DELE1: variants seen among roughly 807,000 people sequenced by gnomAD.
The protein encoded by DELE1 is death ligand signal enhancer.
A neutral mutation model predicts 59.3 loss-of-function variants in DELE1; 54 were observed. The observed-to-expected ratio is 0.91, with a 90% CI of 0.73 to 1.14. The LOEUF (loss-of-function observed/expected upper bound fraction) is 1.14, where lower values mean the gene tolerates loss of function less well. Among genes scored for constraint, DELE1 ranks in the 50% most tolerant of loss-of-function variants. The pLI, the probability that DELE1 is intolerant of heterozygous loss-of-function variation, is 0.00. For synonymous variants in DELE1, 264 were observed against 259.1 expected, an observed-to-expected ratio of 1.02 and a Z score of -0.18; for missense variants, 636 against 643.9, an observed-to-expected ratio of 0.99 and a Z score of 0.13.
chr5:141,941,687 C>T lies in DELE1; in HGVS notation c.*2928C>T, dbSNP rs890986377. 2.0e-6 allele frequency: 2 copies of T among 985,370 alleles called. No homozygotes were observed. The highest frequency in any genetic ancestry group is 2.4e-6 in the Non-Finnish European group (2 of 829,938). The allele number at this position is 985,370 out of a possible 1,614,324, so 61.0% of individuals were successfully genotyped here. A position where few individuals can be genotyped will look rare whatever the true frequency, so the allele number is the denominator to read the frequency against. ...AGCTCTACTGCCTCAGTTTCCCTAT[C>T]CGGAGATGCTGTTTTCAGGGAGTCC... On this transcript the variant is annotated 3_prime_UTR_variant, in exon 12 of 12. Coordinates refer to ENST00000432126, the MANE Select transcript of DELE1 (RefSeq NM_014773.5).
rs1406679274 is a variant in DELE1, at chr5:141,939,955, T to C, written c.*1196T>C. 3.1e-6 allele frequency: 3 copies of C among 960,178 alleles called. No homozygotes were observed. Among genetic ancestry groups the C allele is most frequent in the Non-Finnish European group, 3.7e-6 (3 of 807,188 alleles). The allele number at this position is 960,178 out of a possible 1,614,324, so 59.5% of individuals were successfully genotyped here. ...GTGAGGACCTGGGCCTCCTGACTCC[T>C]GGCCCAGAGTTCTTGTCCATCAGTT... On this transcript the variant is annotated 3_prime_UTR_variant, in exon 12 of 12. Coordinates refer to ENST00000432126, the MANE Select transcript of DELE1 (RefSeq NM_014773.5).
chr5:141,929,775 G>T lies in DELE1; in HGVS notation c.571+35G>T, dbSNP rs558109011. On this transcript the variant is annotated intron_variant, in intron 5 of 11. Transcript: ENST00000432126. The stretch of plus-strand genomic sequence containing the variant: ...TGCCTCATGGAATCAGCAGAAGGCA[G>T]GGGGCGGTGGTGGTGAGCTGGGCAA... 1.6e-4 allele frequency: 255 copies of T among 1,609,216 alleles called. 5 individuals carry two copies. In the South Asian group the frequency reaches 2.7e-3, roughly 17 times the overall value.
At chr5:141,935,501 C>A (rs1375610553) in intron 10 of DELE1, among the ~76,000 whole-genome samples, 1 of 152,232 alleles carries the variant, frequency 6.6e-6, no homozygotes, top group African/African-American at 2.4e-5. Context: ...ACATAGGGGA[C>A]TGCTGCTTCC....
Position 141,924,694 on chromosome 5 carries a change from A to G in DELE1, c.145A>G (p.Arg49Gly). 3.1e-6 allele frequency: 5 copies of G among 1,590,908 alleles called. No individual in the cohort carries two copies. The highest frequency in any genetic ancestry group is 1.1e-5 in the South Asian group (1 of 90,580). The change falls in exon 2 of 12, where the codon AGG becomes GGG. Residue 49 changes from arginine (R) to glycine (G), a missense_variant and splice_region_variant. Arg to Gly is a moderately radical substitution (Grantham distance 125). Transcript: ENST00000432126. ...TLLVPVPNLD[R>G]SGPHGPGTSG... ...GCTGGTTCCTGTGCCTAACCTCGAC[A>G]GGTAAGATACTGCCATTTTACCACT...
At position 141,930,205 on chromosome 5, in the gene DELE1, C is replaced by T; in HGVS notation, c.685C>T (p.Leu229Phe). ...ACAAGATAAATCAAAAACTCTTTCCCTTGAGGAGGCTGTGACTTCCATTCA... is the reference window on the plus strand; with the variant it reads ...ACAAGATAAATCAAAAACTCTTTCCTTTGAGGAGGCTGTGACTTCCATTCA... Reference protein sequence around the residue: ...KEQDKSKTLSLEEAVTSIQQL... With the variant: ...KEQDKSKTLSFEEAVTSIQQL... The change falls in exon 7 of 12, where the codon CTT becomes TTT. Residue 229 changes from leucine (L) to phenylalanine (F), a missense_variant. Transcript: ENST00000432126. 6.2e-7 allele frequency: 1 copy of T among 1,613,920 alleles called. No homozygotes were observed. The highest frequency in any genetic ancestry group is 2.2e-5 in the East Asian group (1 of 44,884).
Position 141,934,220 on chromosome 5 carries a change from T to G in DELE1, c.898-20T>G, listed in dbSNP as rs1752175100. 2 of 1,581,870 alleles carry G rather than the reference T, an allele frequency of 1.3e-6. No homozygotes were observed. The highest frequency in any genetic ancestry group is 1.7e-6 in the Non-Finnish European group (2 of 1,159,252). On this transcript the variant is annotated intron_variant, in intron 8 of 11. Transcript: ENST00000432126. ...CTTACAGAGTTGCCAGCCGACTGGG[T>G]GTTTCTCCCTTTGCCCCAGGCGGTC...
intron 1 of DELE1, 24 bp from the exon 2 acceptor site, chr5:141,924,557 C>T: frequency 7.0e-7 from 1 of 1,430,342 alleles, no homozygotes; most frequent in Non-Finnish European, 9.8e-7. Context: ...GTTGAGGTGC[C>T]TGAGTTTTGG....
At chr5:141,924,762 TTG>T (rs1491012084) in intron 2 of DELE1, 67 bp downstream of exon 2, 95 of 1,052,580 alleles carry the variant, frequency 9.0e-5, no homozygotes, top group African/African-American at 4.6e-4. Context: ...TTTTTTTTTT[TTG>T]TTGTTTTTTG....
intron 10 of DELE1, chr5:141,936,780 C>T (rs1350934061): frequency 4.1e-6 from 3 of 726,260 alleles, no homozygotes; most frequent in Non-Finnish European, 5.0e-6. Flanking sequence ...TGTCAGCCCT[C>T]CCAGGCAGAG....
intron 3 of DELE1, among the ~76,000 whole-genome samples, chr5:141,927,101 A>G (rs377675530): frequency 4.6e-5 from 7 of 151,966 alleles, no homozygotes; most frequent in East Asian, 1.9e-4. Flanking sequence ...TAATTACTCT[A>G]TTTCTCTCTG....
chr5:141,930,327 A>G, intron 7 of DELE1, 53 bp downstream of exon 7: 2 of 1,303,074 alleles, frequency 1.5e-6, no homozygotes, highest in Non-Finnish European at 2.2e-6. Flanking sequence ...TGGAAAGGGT[A>G]TGGGGTAGCT....
At position 141,938,758 on chromosome 5, in the gene DELE1, A is replaced by G. The variant is rs1385515792; in HGVS notation, c.1547A>G (p.Ter516=). The change falls in exon 12 of 12, where the codon TAA becomes TGA. Residue 516 remains the stop codon, a stop_retained_variant. Coordinates refer to ENST00000432126, the MANE Select transcript of DELE1 (RefSeq NM_014773.5). ...ERSVVRLGFG[*] Reference sequence around the variant, plus strand: ...AGTGTTGTAAGACTAGGTTTTGGCTAAGGTGAGATAAAACATAGTCCCTGG... The same window carrying G: ...AGTGTTGTAAGACTAGGTTTTGGCTGAGGTGAGATAAAACATAGTCCCTGG... 2.5e-6 allele frequency: 4 copies of G among 1,609,614 alleles called. No homozygotes were observed. The African/African-American group carries it at 5.3e-5, about 22-fold the overall frequency.
chr5:141,929,880 G>A, intron 5 of DELE1, 109 bp from the exon 6 acceptor site: 1 of 1,510,462 alleles, frequency 6.6e-7, no homozygotes, highest in African/African-American at 1.4e-5. Flanking sequence ...GGTTATTTCG[G>A]TTCCTGGCAA....
At chr5:141,925,795 G>C (rs1289900818) in intron 3 of DELE1, among the ~76,000 whole-genome samples, 1 of 152,126 alleles carries the variant, frequency 6.6e-6, no homozygotes, top group Non-Finnish European at 1.5e-5. Flanking sequence ...CAGAGAACAA[G>C]ATAGATACAT....
rs1244122312 is a variant in DELE1, at chr5:141,939,128, A to G, written c.*369A>G. On this transcript the variant is annotated 3_prime_UTR_variant, in exon 12 of 12. Coordinates refer to ENST00000432126, the MANE Select transcript of DELE1 (RefSeq NM_014773.5). Reference sequence around the variant, plus strand: ...GTTTTCTCACACTTAAATCTGTACTACTGTTTGCCAATGTCTGATGTGTGT... The same window carrying G: ...GTTTTCTCACACTTAAATCTGTACTGCTGTTTGCCAATGTCTGATGTGTGT... The G allele has an allele frequency of 3.0e-6, 3 of 1,009,990 alleles. No individual in the cohort carries two copies. The highest frequency in any genetic ancestry group is 3.5e-6 in the Non-Finnish European group (3 of 845,094). The allele number at this position is 1,009,990 out of a possible 1,614,324, so 62.6% of individuals were successfully genotyped here. A position where few individuals can be genotyped will look rare whatever the true frequency, so the allele number is the denominator to read the frequency against.
intron 2 of DELE1, 108 bp downstream of exon 2, chr5:141,924,803 T>G: frequency 1.4e-6 from 1 of 693,236 alleles, no homozygotes; most frequent in Non-Finnish European, 2.4e-6. Context: ...TCGCCCAGGC[T>G]GGAGTGCAGT....
At chr5:141,929,448 C>A in intron 4 of DELE1, 134 bp from the exon 5 acceptor site, 1 of 862,816 alleles carries the variant, frequency 1.2e-6, no homozygotes, top group Non-Finnish European at 1.8e-6. Flanking sequence ...TGGGGTTTCA[C>A]CATGTTGGCC....
chr5:141,930,736 C>A (rs1468311148), intron 7 of DELE1, among the ~76,000 whole-genome samples: 1 of 152,184 alleles, frequency 6.6e-6, no homozygotes, highest in Non-Finnish European at 1.5e-5. Flanking sequence ...TGGAGCAGAT[C>A]CTCGATGTGT....
rs1751162194 is a variant in DELE1, at chr5:141,924,086, G to A, written c.31+114G>A. ...CGTGGGCCGGGTTAGAGCCAAGGAA[G>A]GCGGGGCTTGAAAGAGGGCGGGGAA... On this transcript the variant is annotated intron_variant, in intron 1 of 11. Transcript: ENST00000432126. The A allele has an allele frequency of 3.6e-6, 5 of 1,391,150 alleles. No individual in the cohort carries two copies. The South Asian group carries it at 6.2e-5, about 17-fold the overall frequency. 86.2% of individuals were successfully genotyped at this position (1,391,150 alleles called of 1,614,324 possible). A position where few individuals can be genotyped will look rare whatever the true frequency, so the allele number is the denominator to read the frequency against.
Sources: gnomAD v4.1 joint callset for allele counts (sites outside exome capture counted in the v4.1 genomes callset) on GRCh38, gnomAD v4.1.1 for gene constraint, MANE v1.5 for transcripts, NCBI Gene and HGNC (gene_info 2026-07-23, HGNC 2026-07-21) for gene names.